DPP6: variants seen among roughly 807,000 people sequenced by gnomAD.
DPP6 encodes the protein dipeptidyl peptidase like 6.
A neutral mutation model predicts 122.6 loss-of-function variants in DPP6; 69 were observed. That is an observed-to-expected ratio of 0.56 (90% CI 0.46 to 0.69). The LOEUF is 0.69. Ranked by LOEUF, DPP6 falls within the 30% of genes least tolerant of loss-of-function variation. The pLI is 0.00. For missense variants in DPP6, 928 were observed against 1,116.9 expected, an observed-to-expected ratio of 0.83 and a Z score of 2.41; for synonymous variants, 418 against 433.1, an observed-to-expected ratio of 0.97 and a Z score of 0.43.
chr7:154,030,772 C>T (rs1799184374), intron 1 of DPP6, among the ~76,000 whole-genome samples: 1 of 152,152 alleles, frequency 6.6e-6, no homozygotes, highest in African/African-American at 2.4e-5. Flanking sequence ...AAACCTTCCC[C>T]CCAGAAGTCC....
intron 1 of DPP6, among the ~76,000 whole-genome samples, chr7:153,980,384 G>T (rs192910504): frequency 1.3e-5 from 2 of 152,120 alleles, no homozygotes; most frequent in Admixed American, 6.5e-5. Context: ...TGTGGGATCA[G>T]TGTTGATATC....
At chr7:154,351,985 G>T (rs1810898342) in intron 1 of DPP6, among the ~76,000 whole-genome samples, 1 of 152,094 alleles carries the variant, frequency 6.6e-6, no homozygotes, top group South Asian at 2.1e-4. Flanking sequence ...CGACCAGCCT[G>T]CTCCTATAGC....
rs372465221 is a variant in DPP6, at chr7:154,023,320, A to ACGCGCG, written c.51+135587_51+135588insGCGCGC. On this transcript the variant is annotated intron_variant, in intron 1 of 25. Transcript: ENST00000404039. ...GGCTCTGGAAATGTTTCTTGTCTGC[A>ACGCGCG]CACACACACACACACACACACACAC... 3.9e-3 allele frequency among the ~76,000 whole-genome samples: 496 copies of ACGCGCG among 127,826 alleles called. 4 individuals are homozygous for ACGCGCG. Among genetic ancestry groups the ACGCGCG allele is most frequent in the African/African-American group, 0.015 (472 of 31,396 alleles). 83.9% of individuals were successfully genotyped at this position (127,826 alleles called of 152,430 possible). A position where few individuals can be genotyped will look rare whatever the true frequency, so the allele number is the denominator to read the frequency against.
At chr7:154,049,890 A>G (rs1800212680), upstream of DPP6, among the ~76,000 whole-genome samples, 1 of 152,078 alleles carries the variant, frequency 6.6e-6, no homozygotes, top group South Asian at 2.1e-4. Context: ...CGGCCAGAAC[A>G]TTCTTTAAAA....
intron 5 of DPP6, among the ~76,000 whole-genome samples, chr7:154,591,889 G>C (rs1832827450): frequency 6.6e-6 from 1 of 152,248 alleles, no homozygotes; most frequent in Non-Finnish European, 1.5e-5. Context: ...GGGTCACAGA[G>C]CGAGTCTGAA....
chr7:154,782,169 C>G (rs1481582979), intron 10 of DPP6, among the ~76,000 whole-genome samples: 1 of 152,160 alleles, frequency 6.6e-6, no homozygotes, highest in Non-Finnish European at 1.5e-5. Flanking sequence ...ACATGCCAAG[C>G]CCTGACTAGA....
At chr7:154,794,313 GC>G in intron 11 of DPP6, 111 bp downstream of exon 11, 1 of 1,374,566 alleles carries the variant, frequency 7.3e-7, no homozygotes, top group Non-Finnish European at 9.5e-7. Context: ...TTGGGGACCG[GC>G]CGCCCAGCTG....
At chr7:154,501,986 A>C (rs75093182) in intron 3 of DPP6, among the ~76,000 whole-genome samples, 1 of 152,182 alleles carries the variant, frequency 6.6e-6, no homozygotes, top group African/African-American at 2.4e-5. Context: ...CTCTTGCATC[A>C]ACATGACCGA....
rs555206433 is a variant in DPP6 at position 154,763,863 on chromosome 7, A to G, written c.884-5554A>G. Among the ~76,000 whole-genome samples, 4 of 152,232 alleles carry G rather than the reference A, an allele frequency of 2.6e-5. No individual in the cohort carries two copies. The South Asian group carries it at 8.3e-4, about 32-fold the overall frequency. ...GGGAGCCCCCTAGATACAACTGCCA[A>G]GGAGACTTTAAGTCTGCCTCACTCC... On this transcript the variant is annotated intron_variant, in intron 8 of 25. Coordinates refer to ENST00000377770, the MANE Select transcript of DPP6 (RefSeq NM_130797.4).
At chr7:154,532,732 A>AT (rs34692320) in intron 3 of DPP6, among the ~76,000 whole-genome samples, 1 of 151,880 alleles carries the variant, frequency 6.6e-6, no homozygotes, top group African/African-American at 2.4e-5. Context: ...ATGCATGCAT[A>AT]TTTTTTAAAT....
At chr7:153,967,498 G>C (rs1044374491) in intron 1 of DPP6, among the ~76,000 whole-genome samples, 3 of 152,194 alleles carry the variant, frequency 2.0e-5, no homozygotes, top group Non-Finnish European at 4.4e-5. Context: ...CTGCCTTGTA[G>C]TGATTGGGGA....
chr7:154,819,622 C>G (rs1799636943), intron 16 of DPP6, among the ~76,000 whole-genome samples: 1 of 152,130 alleles, frequency 6.6e-6, no homozygotes, highest in Non-Finnish European at 1.5e-5. Flanking sequence ...AAGAATATCT[C>G]TCTTCAAAAT....
At chr7:154,880,740 A>G in intron 20 of DPP6, 148 bp from the exon 21 acceptor site, 1 of 1,377,294 alleles carries the variant, frequency 7.3e-7, no homozygotes, top group African/African-American at 1.5e-5. Context: ...AAAGCAATAA[A>G]TAATTATATT....
intron 1 of DPP6, among the ~76,000 whole-genome samples, chr7:154,410,520 C>T (rs780026727): frequency 9.9e-5 from 15 of 152,190 alleles, no homozygotes; most frequent in Non-Finnish European, 5.9e-5. Flanking sequence ...TGATAGTACA[C>T]CTCCTTGGAT....
At chr7:154,456,560 A>C (rs917441565) in intron 2 of DPP6, among the ~76,000 whole-genome samples, 10 of 93,184 alleles carry the variant, frequency 1.1e-4, no homozygotes, top group African/African-American at 3.4e-4. Context: ...AGGCTAAAAA[A>C]TGCGCCCCCC....
the DPP6 span, among the ~76,000 whole-genome samples, chr7:153,774,252 G>A: frequency 6.6e-6 from 1 of 152,152 alleles, no homozygotes; most frequent in Non-Finnish European, 1.5e-5. Context: ...TTATAAGAAA[G>A]TTTGGGAGAA....
intron 7 of DPP6, among the ~76,000 whole-genome samples, chr7:154,716,088 T>C (rs1841466618): frequency 6.6e-6 from 1 of 152,208 alleles, no homozygotes; most frequent in South Asian, 2.1e-4. Flanking sequence ...ATCTCATTTT[T>C]GTAGTTTGTG....
rs540416837 is a variant in DPP6, at chr7:153,888,039, G to A, written c.51+305G>A. ...GCTGCGGGGAGCCCTCGCTGACCGC[G>A]GGTCGGTCCGAGCCCCAAGCAGACC... On this transcript the variant is annotated intron_variant, in intron 1 of 25. Transcript: ENST00000404039. 2.2e-4 allele frequency among the ~76,000 whole-genome samples: 34 copies of A among 152,314 alleles called. 2 individuals are homozygous for A. In the South Asian group the frequency reaches 6.6e-3, roughly 30 times the overall value.
chr7:154,495,512 C>T (rs1447174726), intron 3 of DPP6, among the ~76,000 whole-genome samples: 1 of 151,978 alleles, frequency 6.6e-6, no homozygotes, highest in African/African-American at 2.4e-5. Context: ...GCCTCAGCCT[C>T]CTGAGTAGCT....
Sources: allele counts gnomAD v4.1 joint callset (sites outside exome capture counted in the v4.1 genomes callset), GRCh38; gene constraint gnomAD v4.1.1; transcripts MANE v1.5; gene names NCBI Gene and HGNC (gene_info 2026-07-23, HGNC 2026-07-21).